The following TTC39C variants were observed in gnomAD, a reference collection of about 807,000 sequenced individuals.
TTC39C encodes tetratricopeptide repeat domain 39C, also known as tetratricopeptide repeat protein 39C.
In TTC39C, 33 loss-of-function variants were observed where a neutral mutation model predicts 76.3. The ratio of observed to expected loss-of-function variants is 0.43; its 90% CI spans 0.33 to 0.58. The LOEUF is 0.58. TTC39C is among the 20% of genes least tolerant of loss of function. The pLI, the probability that TTC39C is intolerant of heterozygous loss-of-function variation, is 0.04. For missense variants in TTC39C, 595 were observed against 701.4 expected (o/e 0.85, Z 1.71); for synonymous variants, 254 against 260.6 (o/e 0.97, Z 0.24).
intron 4 of TTC39C, among the ~76,000 whole-genome samples, chr18:24,072,371 G>A (rs1232041073): frequency 2.0e-5 from 3 of 151,684 alleles, no homozygotes; most frequent in Admixed American, 6.6e-5. Flanking sequence ...TCGGCTCACA[G>A]CACAACCACT....
chr18:24,037,152 T>C (rs2083742508), intron 1 of TTC39C, among the ~76,000 whole-genome samples: 1 of 152,208 alleles, frequency 6.6e-6, no homozygotes, highest in South Asian at 2.1e-4. Context: ...TTGAATATGA[T>C]GTTAGCTGTG....
At position 24,131,450 on chromosome 18, in the gene TTC39C, T is replaced by C. The variant is rs148150890; in HGVS notation, c.1624-432T>C. On this transcript the variant is annotated intron_variant, in intron 12 of 13. Coordinates refer to ENST00000317571, the MANE Select transcript of TTC39C (RefSeq NM_001135993.2). ...TATTGGGGCTGGGCGCAGTGGCTCA[T>C]ACCTGTAATCCCAGCACTTTGGGAG... 4.1e-3 allele frequency among the ~76,000 whole-genome samples: 620 copies of C among 152,170 alleles called. 4 individuals are homozygous for C. Among genetic ancestry groups the C allele is most frequent in the African/African-American group, 0.013 (558 of 41,520 alleles).
intron 1 of TTC39C, among the ~76,000 whole-genome samples, chr18:24,059,174 T>C (rs1431398135): frequency 6.6e-6 from 1 of 152,148 alleles, no homozygotes; most frequent in African/African-American, 2.4e-5. Flanking sequence ...TTGATTTGGC[T>C]ATTCTAAATT....
At chr18:24,050,015 A>AT (rs1013435620) in intron 1 of TTC39C, among the ~76,000 whole-genome samples, 4 of 152,098 alleles carry the variant, frequency 2.6e-5, no homozygotes, top group African/African-American at 9.7e-5. Context: ...CTTGGCCTTC[A>AT]TTTGGCTTTC....
At chr18:24,008,276 G>A (rs143764156) in intron 1 of TTC39C, among the ~76,000 whole-genome samples, 1 of 152,312 alleles carries the variant, frequency 6.6e-6, no homozygotes, top group East Asian at 1.9e-4. Flanking sequence ...AATCCACTCT[G>A]AGAAGCAAAT....
At chr18:24,036,272 G>A (rs9953309) in intron 1 of TTC39C, among the ~76,000 whole-genome samples, 15 of 152,244 alleles carry the variant, frequency 9.9e-5, no homozygotes, top group African/African-American at 3.4e-4. Flanking sequence ...GAAGACGTTG[G>A]TATTTTGATA....
At chr18:24,006,215 G>T (rs1227295796) in intron 1 of TTC39C, among the ~76,000 whole-genome samples, 1 of 152,012 alleles carries the variant, frequency 6.6e-6, no homozygotes, top group South Asian at 2.1e-4. Context: ...GTTTTGCTAT[G>T]TTGCTCAGGC....
intron 6 of TTC39C, among the ~76,000 whole-genome samples, chr18:24,100,980 C>T (rs986777254): frequency 3.3e-5 from 5 of 152,038 alleles, no homozygotes; most frequent in Non-Finnish European, 5.9e-5. Context: ...TGTGATTCTC[C>T]AAGGGGAAGA....
In TTC39C at chr18:24,132,614, T is replaced by C. The variant is rs2145835607; in HGVS notation, c.*40T>C. On this transcript the variant is annotated 3_prime_UTR_variant, in exon 14 of 14. Transcript: ENST00000317571. The stretch of plus-strand genomic sequence containing the variant: ...CCGCTCCGTCCCTCCCCACCCAGGG[T>C]CCGCACTTTAAAATAAAAGCAGAGG... 6.4e-7 allele frequency: 1 copy of C among 1,555,716 alleles called. No homozygotes were observed. Among genetic ancestry groups the C allele is most frequent in the Non-Finnish European group, 8.8e-7 (1 of 1,137,970 alleles).
intron 6 of TTC39C, among the ~76,000 whole-genome samples, chr18:24,108,912 C>G (rs541586995): frequency 6.6e-6 from 1 of 152,168 alleles, no homozygotes; most frequent in Non-Finnish European, 1.5e-5. Context: ...ACTTAATTGC[C>G]ATTTACTGTG....
intron 10 of TTC39C, among the ~76,000 whole-genome samples, chr18:24,128,581 G>A (rs774145788): frequency 1.3e-5 from 2 of 151,878 alleles, no homozygotes; most frequent in Non-Finnish European, 2.9e-5. Flanking sequence ...GAAAACTCCC[G>A]TAACATTCTC....
At chr18:24,128,221 G>A (rs558272875) in intron 10 of TTC39C, among the ~76,000 whole-genome samples, 3 of 152,288 alleles carry the variant, frequency 2.0e-5, no homozygotes, top group South Asian at 4.1e-4. Context: ...TGAGTGAACT[G>A]CATTAAGGTT....
At chr18:24,069,102 G>T in intron 3 of TTC39C, 55 bp from the exon 4 acceptor site, 1 of 1,342,476 alleles carries the variant, frequency 7.4e-7, no homozygotes. Context: ...CTGTTTGGGG[G>T]AACTGTCGTT....
chr18:24,003,651 G>C (rs1451734249), intron 1 of TTC39C, among the ~76,000 whole-genome samples: 1 of 151,298 alleles, frequency 6.6e-6, no homozygotes, highest in Non-Finnish European at 1.5e-5. Flanking sequence ...CTATTTTTAT[G>C]GCCCTTGTAT....
intron 6 of TTC39C, chr18:24,099,136 G>C (rs60793169): frequency 8.7e-6 from 1 of 114,864 alleles, no homozygotes; most frequent in African/African-American, 3.7e-5. Context: ...GTGTGTGTGT[G>C]TGTGTGTATG....
chr18:24,096,698 T>G (rs137902146), intron 6 of TTC39C, among the ~76,000 whole-genome samples: 83 of 152,304 alleles, frequency 5.4e-4, no homozygotes, highest in Middle Eastern at 3.4e-3. Context: ...AAATCTTTCT[T>G]TTTACTTTTT....
At chr18:24,113,384 G>C in intron 6 of TTC39C, 1 of 583,732 alleles carries the variant, frequency 1.7e-6, no homozygotes, top group Non-Finnish European at 3.0e-6. Flanking sequence ...GTCTGCGGGT[G>C]GGGGACCCGT....
chr18:24,033,027 T>A (rs925249015), intron 1 of TTC39C, among the ~76,000 whole-genome samples: 1 of 152,052 alleles, frequency 6.6e-6, no homozygotes, highest in Non-Finnish European at 1.5e-5. Flanking sequence ...TGAAGTCGAG[T>A]GGATCACTTG....
intron 1 of TTC39C, among the ~76,000 whole-genome samples, chr18:24,039,655 G>T (rs1167887024): frequency 6.6e-6 from 1 of 152,214 alleles, no homozygotes; most frequent in Admixed American, 6.5e-5. Flanking sequence ...TTAAGCAGAG[G>T]AGTGACATGG....
Sources: gnomAD v4.1 joint callset for allele counts (sites outside exome capture counted in the v4.1 genomes callset) on GRCh38, gnomAD v4.1.1 for gene constraint, MANE v1.5 for transcripts, NCBI Gene and HGNC (gene_info 2026-07-23, HGNC 2026-07-21) for gene names.